Variants in ZRANB1 observed in about 807,000 individuals in gnomAD.
ZRANB1 encodes the protein ubiquitin thioesterase ZRANB1.
ZRANB1 carries 16 observed loss-of-function variants against 80.5 expected under a neutral mutation model. That is an observed-to-expected ratio of 0.20 (90% CI 0.13 to 0.30). The LOEUF (loss-of-function observed/expected upper bound fraction) is 0.30, where lower values mean the gene tolerates loss of function less well. Among genes scored for constraint, ZRANB1 ranks in the 10% least tolerant of loss-of-function variants. The probability of loss-of-function intolerance (pLI) is 1.00; values close to 1 mark genes in which losing one functional copy is unlikely to be tolerated. For missense variants in ZRANB1, 576 were observed against 862.6 expected (o/e 0.67, Z 4.16); for synonymous variants, 291 against 293.1 (o/e 0.99, Z 0.07).
intron 2 of ZRANB1, among the ~76,000 whole-genome samples, chr10:124,967,073 G>A (rs1951783086): frequency 1.3e-5 from 2 of 152,148 alleles, no homozygotes; most frequent in African/African-American, 4.8e-5. Context: ...TGCATTTACT[G>A]TGTGCCATGC....
In ZRANB1 at chr10:124,986,159, A is replaced by G. The variant is rs1347385977; in HGVS notation, c.*1167A>G. On this transcript the variant is annotated 3_prime_UTR_variant, in exon 9 of 9. Coordinates refer to ENST00000359653, the MANE Select transcript of ZRANB1 (RefSeq NM_017580.3). ...GAAGTATTATTTGACCACTTCAGGT[A>G]TACATTCAATACTGGGTAAAAATTT... is the stretch of plus-strand genomic sequence containing the variant. The G allele has an allele frequency of 6.6e-6, 1 of 152,624 alleles. No homozygotes were observed. Among genetic ancestry groups the G allele is most frequent in the African/African-American group, 2.4e-5 (1 of 41,436 alleles). The allele number at this position is 152,624 out of a possible 1,614,324, so 9.5% of individuals were successfully genotyped here.
chr10:124,928,723 T>C, the ZRANB1 span, among the ~76,000 whole-genome samples: 2 of 152,166 alleles, frequency 1.3e-5, no homozygotes, highest in Admixed American at 6.5e-5. Context: ...TACGCTCTAG[T>C]GTGGAGAGAC....
rs1033427696 is a variant in ZRANB1 at position 124,985,141 on chromosome 10, T to G, written c.*149T>G. 6.5e-6 allele frequency: 4 copies of G among 612,716 alleles called. No homozygotes were observed. The highest frequency in any genetic ancestry group is 3.7e-5 in the African/African-American group (2 of 54,166). The allele number at this position is 612,716 out of a possible 1,614,324, so 38.0% of individuals were successfully genotyped here. On this transcript the variant is annotated 3_prime_UTR_variant, in exon 9 of 9. Coordinates refer to ENST00000359653, the MANE Select transcript of ZRANB1 (RefSeq NM_017580.3). The stretch of plus-strand genomic sequence containing the variant: ...AGTGTTTTCCTGGACCACACACACC[T>G]TATGGAGATAATGCCTCTGCTGCGT...
At chr10:124,973,455 C>A (rs954610314) in intron 3 of ZRANB1, among the ~76,000 whole-genome samples, 190 bp from the exon 4 acceptor site, 1 of 152,142 alleles carries the variant, frequency 6.6e-6, no homozygotes, top group Non-Finnish European at 1.5e-5. Flanking sequence ...TTGCACCCGG[C>A]CCAGAAAAGA....
intron 5 of ZRANB1, among the ~76,000 whole-genome samples, chr10:124,978,093 G>C (rs1009606065): frequency 1.3e-5 from 2 of 152,218 alleles, no homozygotes; most frequent in Admixed American, 1.3e-4. Context: ...TTAGTGGTTA[G>C]ATAGTAAGTG....
chr10:124,963,028 G>C (rs1018159813), intron 1 of ZRANB1, among the ~76,000 whole-genome samples: 1 of 152,176 alleles, frequency 6.6e-6, no homozygotes, highest in African/African-American at 2.4e-5. Flanking sequence ...CACTTTGGGA[G>C]GCCGAGGTGG....
chr10:124,922,268 TATATATATGTAAA>T, the ZRANB1 span, among the ~76,000 whole-genome samples: 359 of 64,940 alleles, frequency 5.5e-3, 7 homozygotes, highest in African/African-American at 0.013. Context: ...AAAATATATA[TATATATATGTAAA>T]ATATATATAT....
chr10:124,943,701 G>T (rs1012755288), intron 1 of ZRANB1, among the ~76,000 whole-genome samples: 1 of 152,082 alleles, frequency 6.6e-6, no homozygotes, highest in African/African-American at 2.4e-5. Flanking sequence ...CTCCATTACT[G>T]GGGGCAGTGG....
At chr10:124,932,855 C>T in the ZRANB1 span, among the ~76,000 whole-genome samples, 1 of 152,004 alleles carries the variant, frequency 6.6e-6, no homozygotes, top group South Asian at 2.1e-4. Flanking sequence ...GAGCCACCCC[C>T]CTGCATTTGA....
the ZRANB1 span, among the ~76,000 whole-genome samples, chr10:124,934,926 G>A: frequency 1.3e-5 from 2 of 152,324 alleles, no homozygotes; most frequent in South Asian, 4.1e-4. Flanking sequence ...AAAAGCTACT[G>A]AGATTGGAGG....
At position 124,984,905 on chromosome 10, in the gene ZRANB1, A is replaced by G; in HGVS notation, c.2040A>G (p.Val680=). 1.2e-6 allele frequency: 2 copies of G among 1,614,160 alleles called. No homozygotes were observed. Among genetic ancestry groups the G allele is most frequent in the Non-Finnish European group, 1.7e-6 (2 of 1,180,040 alleles). ...ATCACCCCCTGGTCACTCAGATGGT[A>G]GAAAAATGGCTTGACCGCTACCGAC... The part of the protein sequence containing the change: ...RRNHPLVTQM[V]EKWLDRYRQI... Residue 680 remains valine, a synonymous_variant, in exon 9 of 9, where the codon GTA becomes GTG. Coordinates refer to ENST00000359653, the MANE Select transcript of ZRANB1 (RefSeq NM_017580.3).
chr10:124,983,778 T>TAAACCACACC lies in ZRANB1; in HGVS notation c.1908+91_1908+92insAACCACACCA. The TAAACCACACC allele has an allele frequency of 1.1e-6, 1 of 872,138 alleles. No homozygotes were observed. Among genetic ancestry groups the TAAACCACACC allele is most frequent in the South Asian group, 1.7e-5 (1 of 58,268 alleles). The allele number at this position is 872,138 out of a possible 1,614,324, so 54.0% of individuals were successfully genotyped here. A position where few individuals can be genotyped will look rare whatever the true frequency, so the allele number is the denominator to read the frequency against. ...CTTTCAGGTGTGGTTTTATCTGCAC[T>TAAACCACACC]ATCACTTAATTTCTGAATGTGATGG... On this transcript the variant is annotated intron_variant, in intron 8 of 8. Coordinates refer to ENST00000359653, the MANE Select transcript of ZRANB1 (RefSeq NM_017580.3). This position sits in a 1 kb window ranked among gnomAD's most constrained non-coding sequence, Gnocchi z 6.2.
chr10:124,973,875 A>G (rs1221162290), intron 4 of ZRANB1, among the ~76,000 whole-genome samples, 159 bp downstream of exon 4: 1 of 152,218 alleles, frequency 6.6e-6, no homozygotes, highest in African/African-American at 2.4e-5. Context: ...TGTATGGTTC[A>G]CTGTTACAGA....
chr10:124,981,608 C>T (rs1951934580), intron 5 of ZRANB1, 101 bp from the exon 6 acceptor site: 1 of 1,100,158 alleles, frequency 9.1e-7, no homozygotes, highest in Non-Finnish European at 1.2e-6. Flanking sequence ...AATTGTTTCA[C>T]AGACTGCTTA....
chr10:124,919,833 G>A, the ZRANB1 span, among the ~76,000 whole-genome samples: 14 of 147,380 alleles, frequency 9.5e-5, no homozygotes, highest in Non-Finnish European at 1.8e-4. Flanking sequence ...GGATGGTCTC[G>A]ATCTCCTGAC....
chr10:124,930,230 C>T, the ZRANB1 span, among the ~76,000 whole-genome samples: 4 of 152,138 alleles, frequency 2.6e-5, no homozygotes, highest in East Asian at 5.8e-4. Flanking sequence ...CTCAAACTCA[C>T]ATTTTGAAAG....
the ZRANB1 span, among the ~76,000 whole-genome samples, chr10:124,923,941 CAAAA>C: frequency 1.0e-3 from 155 of 148,642 alleles, 1 homozygote; most frequent in East Asian, 0.026. Flanking sequence ...TATCTCTTAC[CAAAA>C]AAAAAGAATT....
chr10:124,923,744 G>A, the ZRANB1 span, among the ~76,000 whole-genome samples: 5 of 151,854 alleles, frequency 3.3e-5, no homozygotes, highest in African/African-American at 9.7e-5. Context: ...GAAGTGCCAC[G>A]CTTTTAAACT....
At chr10:124,953,983 G>A in intron 1 of ZRANB1, among the ~76,000 whole-genome samples, 1 of 147,106 alleles carries the variant, frequency 6.8e-6, no homozygotes, top group South Asian at 2.2e-4. Context: ...TTTTTTTTCT[G>A]GAGACAGGAT....
Sources: allele counts gnomAD v4.1 joint callset (sites outside exome capture counted in the v4.1 genomes callset), GRCh38; gene constraint gnomAD v4.1.1; non-coding constraint Gnocchi (gnomAD v3.1); transcripts MANE v1.5; gene names NCBI Gene and HGNC (gene_info 2026-07-23, HGNC 2026-07-21).